Variants in ABCG1 observed in about 807,000 individuals in gnomAD.
ABCG1 encodes ATP binding cassette subfamily G member 1, also known as ATP-binding cassette sub-family G member 1.
A neutral mutation model predicts 69.2 loss-of-function variants in ABCG1; 29 were observed. The observed-to-expected ratio is 0.42, with a 90% CI of 0.31 to 0.57. The LOEUF (loss-of-function observed/expected upper bound fraction) is 0.57, where lower values mean the gene tolerates loss of function less well. ABCG1 is among the 20% of genes least tolerant of loss of function. The probability of loss-of-function intolerance (pLI) is 0.15; values close to 1 mark genes in which losing one functional copy is unlikely to be tolerated. For missense variants in ABCG1, 718 were observed against 898.1 expected, an observed-to-expected ratio of 0.80 and a Z score of 2.56; for synonymous variants, 370 against 374.8, an observed-to-expected ratio of 0.99 and a Z score of 0.15.
rs1033431649 is a variant in ABCG1, at chr21:42,288,608, G to A, written c.1224+296G>A. On this transcript the variant is annotated intron_variant, in intron 10 of 14. Coordinates refer to ENST00000398449, the MANE Select transcript of ABCG1 (RefSeq NM_016818.3). This position sits in a 1 kb window ranked among gnomAD's most constrained non-coding sequence, Gnocchi z 4.8. ...TGTAATCCCAGCTACTCAGGAGGCT[G>A]GGGCAGGAGAACTGCTTGAACCCAG... is the stretch of plus-strand genomic sequence containing the variant. Among the ~76,000 whole-genome samples the A allele has an allele frequency of 6.6e-6, 1 of 152,146 alleles. No homozygotes were observed. The highest frequency in any genetic ancestry group is 2.4e-5 in the African/African-American group (1 of 41,420).
Position 42,284,831 on chromosome 21 carries a change from G to C in ABCG1, c.858+148G>C, listed in dbSNP as rs544969796. ...CCTGGGTACCCACAGCCTTCTGTTAGCTCATGGGGCATCTTCATGACACCA... is the reference window on the plus strand; with the variant it reads ...CCTGGGTACCCACAGCCTTCTGTTACCTCATGGGGCATCTTCATGACACCA... On this transcript the variant is annotated intron_variant, in intron 7 of 14. Transcript: ENST00000398449. 155 of 1,082,188 alleles carry C rather than the reference G, an allele frequency of 1.4e-4. No individual in the cohort carries two copies. In the African/African-American group the frequency reaches 2.6e-3, roughly 18 times the overall value. 67.0% of individuals were successfully genotyped at this position (1,082,188 alleles called of 1,614,324 possible).
At chr21:42,254,130 G>A (rs1039674738) in intron 2 of ABCG1, among the ~76,000 whole-genome samples, 1 of 152,194 alleles carries the variant, frequency 6.6e-6, no homozygotes, top group African/African-American at 2.4e-5. Flanking sequence ...GGGGAATGCT[G>A]AATGTGAGGG....
intron 2 of ABCG1, among the ~76,000 whole-genome samples, chr21:42,264,741 T>G (rs1361069385): frequency 2.1e-4 from 24 of 114,970 alleles, no homozygotes; most frequent in South Asian, 8.9e-4. Context: ...GGGAAGGAGG[T>G]GGGGGAGAGA....
chr21:42,256,320 GT>G (rs1569221787), intron 2 of ABCG1: 1 of 1,549,426 alleles, frequency 6.5e-7, no homozygotes, highest in East Asian at 2.4e-5. Flanking sequence ...TCTACAGAGG[GT>G]GGGCCCTCTC....
rs566986619 is a variant in ABCG1 at position 42,278,321 on chromosome 21, G to A, written c.588+1376G>A. 1.1e-4 allele frequency among the ~76,000 whole-genome samples: 17 copies of A among 152,186 alleles called. No homozygotes were observed. The South Asian group carries it at 2.5e-3, about 22-fold the overall frequency. ...AACACACACACCACCTCCCAAGCCC[G>A]AGAATGTTACTTATACCAAGTTATG... is the stretch of plus-strand genomic sequence containing the variant. On this transcript the variant is annotated intron_variant, in intron 5 of 14. Transcript: ENST00000398449.
At chr21:42,242,923 G>C (rs898466711) in intron 2 of ABCG1, among the ~76,000 whole-genome samples, 1 of 152,180 alleles carries the variant, frequency 6.6e-6, no homozygotes, top group African/African-American at 2.4e-5. Context: ...GCAGGGTTCC[G>C]TGTCTGATAA....
intron 2 of ABCG1, among the ~76,000 whole-genome samples, chr21:42,227,305 A>C (rs930509254): frequency 2.0e-5 from 3 of 152,220 alleles, no homozygotes; most frequent in African/African-American, 7.2e-5. Context: ...TTGAAATTTC[A>C]ACATAGGGTT....
intron 2 of ABCG1, among the ~76,000 whole-genome samples, chr21:42,229,019 G>A (rs577851077): frequency 1.2e-4 from 19 of 152,304 alleles, no homozygotes; most frequent in South Asian, 1.2e-3. Flanking sequence ...CCGCCTCTGC[G>A]CCTGCTGGTC....
upstream of ABCG1, chr21:42,216,005 T>C (rs1170234128): frequency 2.8e-5 from 8 of 289,318 alleles, no homozygotes; most frequent in South Asian, 1.1e-4. Flanking sequence ...TGGTCAGAGA[T>C]CACTGAATCA....
intron 1 of ABCG1, among the ~76,000 whole-genome samples, chr21:42,200,596 C>CTTTTTTT (rs200131320): frequency 0.018 from 2,495 of 138,606 alleles, 90 homozygotes; most frequent in African/African-American, 0.059. Flanking sequence ...TTATGTTGCA[C>CTTTTTTT]TTTTTTTTTT....
chr21:42,255,208 G>C (rs1398651031), intron 2 of ABCG1, among the ~76,000 whole-genome samples: 19 of 152,244 alleles, frequency 1.2e-4, no homozygotes. Flanking sequence ...CCCGTTGCTA[G>C]TGATCTGATG....
intron 2 of ABCG1, among the ~76,000 whole-genome samples, chr21:42,201,997 C>T (rs1181318801): frequency 6.6e-6 from 1 of 152,206 alleles, no homozygotes; most frequent in Non-Finnish European, 1.5e-5. Flanking sequence ...ACCACCTTAC[C>T]CTAATGCTGT....
rs994133405 is a variant in ABCG1, at chr21:42,291,789, G to C, written c.1653+133G>C. The C allele has an allele frequency of 9.0e-7, 1 of 1,105,660 alleles. No homozygotes were observed. Among genetic ancestry groups the C allele is most frequent in the Non-Finnish European group, 1.2e-6 (1 of 803,670 alleles). 68.5% of individuals were successfully genotyped at this position (1,105,660 alleles called of 1,614,324 possible). ...CCCTCCTAGATGGGGTCGTTCCCAC[G>C]GGAAGGGCCCGCATTGTCGAGGGTC... On this transcript the variant is annotated intron_variant, in intron 13 of 14. Transcript: ENST00000398449. The surrounding 1 kb of genome is among the most constrained non-coding windows in gnomAD (Gnocchi z 6.4).
chr21:42,269,930 C>T (rs1421952755), intron 2 of ABCG1, among the ~76,000 whole-genome samples: 1 of 152,160 alleles, frequency 6.6e-6, no homozygotes, highest in South Asian at 2.1e-4. Flanking sequence ...TCACGTGATT[C>T]TTGATCATTT....
Position 42,284,781 on chromosome 21 carries a change from G to A in ABCG1, c.858+98G>A, listed in dbSNP as rs141814763. The A allele has an allele frequency of 2.5e-4, 368 of 1,482,510 alleles. 2 individuals are homozygous for A. In the African/African-American group the frequency reaches 2.7e-3, roughly 11 times the overall value. 91.8% of individuals were successfully genotyped at this position (1,482,510 alleles called of 1,614,324 possible). ...GGTACCCACTGCCTTCTGTTAGCTC[G>A]TGGGGCGTCTTCATGACACCAAACC... On this transcript the variant is annotated intron_variant, in intron 7 of 14. Coordinates refer to ENST00000398449, the MANE Select transcript of ABCG1 (RefSeq NM_016818.3).
chr21:42,209,592 G>A (rs554997442), intron 2 of ABCG1, among the ~76,000 whole-genome samples: 1 of 152,282 alleles, frequency 6.6e-6, no homozygotes, highest in South Asian at 2.1e-4. Context: ...GAGTGGCTTT[G>A]GGCCTCTGAC....
upstream of ABCG1, among the ~76,000 whole-genome samples, chr21:42,217,384 C>T (rs1282732402): frequency 1.3e-5 from 2 of 152,144 alleles, no homozygotes; most frequent in Admixed American, 6.5e-5. Flanking sequence ...CGTGCCTCCT[C>T]TCGTGCTCCA....
In ABCG1 at chr21:42,219,690, A is replaced by G; in HGVS notation, c.42+386A>G. The G allele has an allele frequency of 1.3e-6, 1 of 775,892 alleles. No homozygotes were observed. The highest frequency in any genetic ancestry group is 1.9e-5 in the South Asian group (1 of 53,804). 48.1% of individuals were successfully genotyped at this position (775,892 alleles called of 1,614,324 possible). A position where few individuals can be genotyped will look rare whatever the true frequency, so the allele number is the denominator to read the frequency against. On this transcript the variant is annotated intron_variant, in intron 1 of 14. Coordinates refer to ENST00000398449, the MANE Select transcript of ABCG1 (RefSeq NM_016818.3). This position sits in a 1 kb window ranked among gnomAD's most constrained non-coding sequence, Gnocchi z 5.3. ...GGCCGCAGCTTGGGCCGGAGGGAAG[A>G]GGGGACTTGAAGAAGGGGAGCCCCG...
At chr21:42,284,362 G>T (rs889772980) in intron 6 of ABCG1, among the ~76,000 whole-genome samples, 198 bp from the exon 7 acceptor site, 19 of 152,004 alleles carry the variant, frequency 1.2e-4, no homozygotes, top group Non-Finnish European at 2.2e-4. Flanking sequence ...AATGCAACAT[G>T]CAAAGCCCTG....
Sources: gnomAD v4.1 joint callset for allele counts (sites outside exome capture counted in the v4.1 genomes callset) on GRCh38, gnomAD v4.1.1 for gene constraint, Gnocchi (gnomAD v3.1) non-coding constraint, MANE v1.5 for transcripts, NCBI Gene and HGNC (gene_info 2026-07-23, HGNC 2026-07-21) for gene names.